Variants in ARHGAP6 observed in about 807,000 individuals in gnomAD.
ARHGAP6 encodes the protein rho GTPase-activating protein 6.
In ARHGAP6, 16 loss-of-function variants were observed where a neutral mutation model predicts 55.7. The observed-to-expected ratio is 0.29, with a 90% CI of 0.19 to 0.44. The LOEUF (loss-of-function observed/expected upper bound fraction) is 0.44. Ranked by LOEUF, ARHGAP6 falls within the 20% of genes least tolerant of loss-of-function variation. ARHGAP6 has a pLI of 1.00. For synonymous variants in ARHGAP6, 382 were observed against 360.9 expected (o/e 1.06, Z -0.66); for missense variants, 698 against 808.9 (o/e 0.86, Z 1.66).
At chrX:11,506,940 T>G (rs1359012045) in intron 1 of ARHGAP6, among the ~76,000 whole-genome samples, 1 of 112,118 alleles carries the variant, frequency 8.9e-6, no homozygotes, top group African/African-American at 3.2e-5. Context: ...CTAACTGGCA[T>G]GAGGTGGTAT....
chrX:11,161,422 A>AG (rs1214342681), intron 9 of ARHGAP6, among the ~76,000 whole-genome samples: 1 of 111,360 alleles, frequency 9.0e-6, no homozygotes, highest in African/African-American at 3.3e-5. Flanking sequence ...GATGCTGTAA[A>AG]AAAAAATCTG....
intron 1 of ARHGAP6, among the ~76,000 whole-genome samples, chrX:11,559,074 G>C (rs1290723999): frequency 9.4e-6 from 1 of 106,637 alleles, no homozygotes; most frequent in Non-Finnish European, 1.9e-5. Context: ...TCCTTTAAAG[G>C]GATCAGAGAT....
chrX:11,442,929 A>G (rs1482962337), intron 1 of ARHGAP6, among the ~76,000 whole-genome samples: 2 of 112,375 alleles, frequency 1.8e-5, no homozygotes, highest in Non-Finnish European at 3.8e-5. Context: ...ATACATTTCT[A>G]TCATTAAAGA....
intron 2 of ARHGAP6, among the ~76,000 whole-genome samples, chrX:11,241,022 T>C (rs769084258): frequency 4.0e-4 from 41 of 102,374 alleles, no homozygotes; most frequent in South Asian, 1.4e-3. Context: ...TATGATCGTG[T>C]CACTGCACTC....
rs2049907477 is a variant in ARHGAP6, at chrX:11,428,049, C to A, written c.589-173342G>T. The stretch of plus-strand genomic sequence containing the variant: ...CACCCTCCCCGGACCCGTGGGACCC[C>A]GGCTGCTGAGGCGGGGACTGCCAAA... On this transcript the variant is annotated intron_variant, in intron 1 of 12. Coordinates refer to ENST00000337414, the MANE Select transcript of ARHGAP6 (RefSeq NM_013427.3). Among the ~76,000 whole-genome samples the A allele has an allele frequency of 3.5e-5, 4 of 112,713 alleles. No homozygotes were observed. The Admixed American group carries it at 3.7e-4, about 10-fold the overall frequency.
intron 1 of ARHGAP6, among the ~76,000 whole-genome samples, chrX:11,429,056 C>A (rs771363107): frequency 2.7e-5 from 3 of 111,840 alleles, no homozygotes; most frequent in African/African-American, 6.5e-5. Context: ...CAAATAAAAG[C>A]GATCCAAATG....
At chrX:11,242,996 C>T (rs779526095) in intron 2 of ARHGAP6, among the ~76,000 whole-genome samples, 6 of 111,887 alleles carry the variant, frequency 5.4e-5, no homozygotes, top group African/African-American at 1.9e-4. Flanking sequence ...AAAACAATTC[C>T]ATATGCTATG....
At chrX:11,554,725 G>A (rs996377140) in intron 1 of ARHGAP6, among the ~76,000 whole-genome samples, 1 of 111,860 alleles carries the variant, frequency 8.9e-6, no homozygotes, top group Non-Finnish European at 1.9e-5. Flanking sequence ...TGGTGCAGTG[G>A]TATGAATAAT....
At chrX:11,491,206 T>C (rs2050563272) in intron 1 of ARHGAP6, among the ~76,000 whole-genome samples, 2 of 112,156 alleles carry the variant, frequency 1.8e-5, no homozygotes, top group South Asian at 7.5e-4. Flanking sequence ...TTCTTTAATA[T>C]ATGGTTTATT....
chrX:11,219,047 C>T (rs2046924091), intron 2 of ARHGAP6, among the ~76,000 whole-genome samples: 1 of 75,450 alleles, frequency 1.3e-5, no homozygotes, highest in Admixed American at 1.7e-4. Flanking sequence ...CTCCCCCCAC[C>T]CCACAACAGT....
intron 1 of ARHGAP6, among the ~76,000 whole-genome samples, chrX:11,313,946 C>G (rs2048327695): frequency 8.9e-6 from 1 of 112,001 alleles, no homozygotes; most frequent in Non-Finnish European, 1.9e-5. Flanking sequence ...CTATTTTAAG[C>G]ACTTACTTTT....
chrX:11,191,478 C>T (rs2147352201), intron 3 of ARHGAP6, among the ~76,000 whole-genome samples: 1 of 111,901 alleles, frequency 8.9e-6, no homozygotes, highest in East Asian at 2.8e-4. Context: ...CTTCTTGTGC[C>T]TGTATCTTCA....
Position 11,276,088 on chromosome X carries a change from C to A in ARHGAP6, c.589-21381G>T, listed in dbSNP as rs1196002930. 6.3e-5 allele frequency among the ~76,000 whole-genome samples: 7 copies of A among 111,184 alleles called. No individual in the cohort carries two copies. In the East Asian group the frequency reaches 1.7e-3, roughly 27 times the overall value. On this transcript the variant is annotated intron_variant, in intron 1 of 12. Transcript: ENST00000337414. The stretch of plus-strand genomic sequence containing the variant: ...GACCTAGACACTTGAGATGTCTAGA[C>A]AATCACTTGTGATGTCTCATTGAGG...
chrX:11,195,959 CAAAAAAAAAAAAAAAAAA>C (rs1024986729), intron 3 of ARHGAP6, among the ~76,000 whole-genome samples: 1 of 8,413 alleles, frequency 1.2e-4, no homozygotes, highest in Non-Finnish European at 2.5e-4. Context: ...ACTAAAAATA[CAAAAAAAAAAAAAAAAAA>C]AAAAAAAAAA....
chrX:11,523,022 G>A (rs1195246963), intron 1 of ARHGAP6, among the ~76,000 whole-genome samples: 4 of 111,523 alleles, frequency 3.6e-5, no homozygotes, highest in Admixed American at 2.9e-4. Flanking sequence ...AGCACATCAA[G>A]AAGCTTCTCC....
chrX:11,294,639 C>T, intron 1 of ARHGAP6: 1 of 669,789 alleles, frequency 1.5e-6, no homozygotes, highest in South Asian at 2.3e-5. Flanking sequence ...TCACATATGA[C>T]TGAAGTAAAT....
At chrX:11,339,126 T>G (rs964849859) in intron 1 of ARHGAP6, among the ~76,000 whole-genome samples, 1 of 112,087 alleles carries the variant, frequency 8.9e-6, no homozygotes, top group Non-Finnish European at 1.9e-5. Context: ...TCCCAACACC[T>G]GAAAGAATCT....
intron 1 of ARHGAP6, among the ~76,000 whole-genome samples, chrX:11,353,828 G>T (rs1421774438): frequency 9.0e-6 from 1 of 110,654 alleles, no homozygotes; most frequent in African/African-American, 3.3e-5. Flanking sequence ...ATTGGAAAGG[G>T]TGTACTCATA....
intron 1 of ARHGAP6, among the ~76,000 whole-genome samples, chrX:11,435,963 T>C (rs2049983171): frequency 8.9e-6 from 1 of 112,312 alleles, no homozygotes; most frequent in Non-Finnish European, 1.9e-5. Context: ...TACACGTGAT[T>C]TCTTTTAAAG....
Sources: allele counts gnomAD v4.1 joint callset (sites outside exome capture counted in the v4.1 genomes callset), GRCh38; gene constraint gnomAD v4.1.1; transcripts MANE v1.5; gene names NCBI Gene and HGNC (gene_info 2026-07-23, HGNC 2026-07-21).